ERI1: variants seen among roughly 807,000 people sequenced by gnomAD.
ERI1 encodes the protein 3'-5' exoribonuclease 1.
Under a neutral mutation model 39.7 loss-of-function variants are expected in ERI1, and 39 were observed. The observed-to-expected ratio is 0.98, with a 90% confidence interval of 0.76 to 1.28. The LOEUF is 1.28. Ranked by LOEUF, ERI1 falls within the 50% of genes most tolerant of loss-of-function variation. ERI1 has a pLI of 0.00. For synonymous variants in ERI1, 204 were observed against 149.6 expected, an observed-to-expected ratio of 1.36 and a Z score of -2.65; for missense variants, 581 against 416.9, an observed-to-expected ratio of 1.39 and a Z score of -3.43.
chr8:9,011,562 A>G lies in ERI1; in HGVS notation c.308A>G (p.Lys103Arg), dbSNP rs202123411. ...LETRGVKDVL[K>R]KRLKNYYKKQ... ...CTTAGAGGAGTAAAGGATGTTCTAA[A>G]GAAGAGACTGAAAAACTATTATAAG... The change falls in exon 3 of 7, where the codon AAG becomes AGG. Residue 103 changes from lysine to arginine, a missense_variant. Transcript: ENST00000250263. 1 of 1,610,398 alleles carries G rather than the reference A, an allele frequency of 6.2e-7. No homozygotes were observed. Among genetic ancestry groups the G allele is most frequent in the East Asian group, 2.2e-5 (1 of 44,830 alleles).
chr8:9,036,300 A>T (rs541281653), downstream of ERI1, among the ~76,000 whole-genome samples: 130 of 152,218 alleles, frequency 8.5e-4, no homozygotes, highest in Non-Finnish European at 1.4e-3. Flanking sequence ...CAGTTGATGG[A>T]GCAAACTTCA....
intron 3 of ERI1, among the ~76,000 whole-genome samples, chr8:9,016,098 A>T (rs1817248669): frequency 6.6e-6 from 1 of 152,190 alleles, no homozygotes; most frequent in African/African-American, 2.4e-5. Flanking sequence ...GAAATCTTTC[A>T]CACACTCACT....
chr8:9,023,753 A>T (rs1380038723), intron 6 of ERI1, among the ~76,000 whole-genome samples: 2 of 141,976 alleles, frequency 1.4e-5, no homozygotes, highest in African/African-American at 5.2e-5. Flanking sequence ...GGTATATTAT[A>T]TGGTATGTCT....
In ERI1 at chr8:9,051,495, A is replaced by G. The variant is rs565253645; in HGVS notation, n.299+31031A>G. ...AACATGGTGAAAGCACATCTCTACT[A>G]AAAATACAAAAATAAGCAGGGCATG... On this transcript the variant is annotated intron_variant and non_coding_transcript_variant, in intron 3 of 3. Coordinates refer to the ERI1 transcript ENST00000518663. Among the ~76,000 whole-genome samples, 136 of 152,222 alleles carry G rather than the reference A, an allele frequency of 8.9e-4. 1 individual carries two copies. Among genetic ancestry groups the G allele is most frequent in the South Asian group, 5.6e-3 (27 of 4,814 alleles).
intron 3 of ERI1, among the ~76,000 whole-genome samples, chr8:9,079,647 T>C (rs907497387): frequency 6.6e-6 from 1 of 152,194 alleles, no homozygotes; most frequent in African/African-American, 2.4e-5. Flanking sequence ...TAGCCTTGGA[T>C]ATGAATTCCA....
intron 3 of ERI1, among the ~76,000 whole-genome samples, chr8:9,084,396 C>G (rs1428760886): frequency 6.6e-6 from 1 of 152,296 alleles, no homozygotes; most frequent in Admixed American, 6.5e-5. Flanking sequence ...CTTTTCTTTG[C>G]CCGTAGTGGA....
At chr8:9,081,141 C>A (rs1206948963) in intron 3 of ERI1, among the ~76,000 whole-genome samples, 1 of 152,190 alleles carries the variant, frequency 6.6e-6, no homozygotes, top group Middle Eastern at 3.2e-3. Flanking sequence ...ACCATCAGAT[C>A]TCTTGAGAAC....
At chr8:9,074,555 C>A (rs1015688290) in intron 3 of ERI1, among the ~76,000 whole-genome samples, 2 of 152,148 alleles carry the variant, frequency 1.3e-5, no homozygotes, top group African/African-American at 4.8e-5. Flanking sequence ...AATTCTCTGG[C>A]CTCAGTCTCC....
chr8:9,008,602 C>T (rs1290087612), intron 2 of ERI1, among the ~76,000 whole-genome samples: 1 of 152,108 alleles, frequency 6.6e-6, no homozygotes, highest in African/African-American at 2.4e-5. Context: ...AAATAATCTA[C>T]AATGATCGTT....
At chr8:9,025,120 C>A (rs982503126) in intron 6 of ERI1, among the ~76,000 whole-genome samples, 2 of 152,140 alleles carry the variant, frequency 1.3e-5, no homozygotes, top group Non-Finnish European at 2.9e-5. Flanking sequence ...AAGTCAGATT[C>A]TCAGGCTGAG....
At chr8:9,042,849 C>T (rs1798067292) in intron 3 of ERI1, among the ~76,000 whole-genome samples, 1 of 152,180 alleles carries the variant, frequency 6.6e-6, no homozygotes, top group South Asian at 2.1e-4. Flanking sequence ...TGAAACATTT[C>T]TGGTCCCTAG....
At chr8:9,037,480 A>G (rs956335742), downstream of ERI1, among the ~76,000 whole-genome samples, 3 of 150,128 alleles carry the variant, frequency 2.0e-5, no homozygotes, top group Admixed American at 6.6e-5. Context: ...GCAGAGATTC[A>G]TATGTACTGT....
At chr8:9,005,016 A>C (rs1021843278) in intron 1 of ERI1, among the ~76,000 whole-genome samples, 15 of 152,184 alleles carry the variant, frequency 9.9e-5, no homozygotes, top group Non-Finnish European at 1.6e-4. Context: ...AATCTGGGCC[A>C]AAGTTTTTTG....
chr8:9,057,769 G>C (rs1798556986), intron 3 of ERI1, among the ~76,000 whole-genome samples: 1 of 152,170 alleles, frequency 6.6e-6, no homozygotes, highest in African/African-American at 2.4e-5. Context: ...GAAAACTGGA[G>C]GGTGAAACCT....
chr8:9,070,363 A>G (rs895078067), intron 3 of ERI1, among the ~76,000 whole-genome samples: 6 of 152,060 alleles, frequency 3.9e-5, no homozygotes, highest in African/African-American at 1.4e-4. Flanking sequence ...TGGCTCCCAC[A>G]TATAATCCTA....
At chr8:9,005,840 T>C (rs1815958816) in intron 1 of ERI1, among the ~76,000 whole-genome samples, 1 of 152,206 alleles carries the variant, frequency 6.6e-6, no homozygotes, top group Admixed American at 6.5e-5. Flanking sequence ...TAAACCTCTG[T>C]TTGGTATAGA....
intron 3 of ERI1, among the ~76,000 whole-genome samples, chr8:9,099,462 G>T (rs1248634795): frequency 6.6e-6 from 1 of 151,946 alleles, no homozygotes; most frequent in Non-Finnish European, 1.5e-5. Context: ...AGGTGTGGTG[G>T]TGCATGCCTG....
rs1049754372 is a variant in ERI1 at position 9,031,453 on chromosome 8, A to G, written c.*1419A>G. The G allele has an allele frequency of 6.6e-6, 1 of 152,226 alleles. No homozygotes were observed. The highest frequency in any genetic ancestry group is 6.5e-5 in the Admixed American group (1 of 15,278). The allele number at this position is 152,226 out of a possible 1,614,324, so 9.4% of individuals were successfully genotyped here. ...TCCTAGATGAACTGTTACAGATTAT[A>G]GTAAAATAAGGAAATCTAAGTGCTT... On this transcript the variant is annotated 3_prime_UTR_variant, in exon 7 of 7. Coordinates refer to ENST00000250263, the MANE Select transcript of ERI1 (RefSeq NM_153332.4).
At chr8:9,041,054 C>T (rs1310265959) in intron 3 of ERI1, among the ~76,000 whole-genome samples, 3 of 152,194 alleles carry the variant, frequency 2.0e-5, no homozygotes, top group Non-Finnish European at 2.9e-5. Flanking sequence ...GCACTTGCTC[C>T]GCTGAGTGTT....
Sources: allele counts gnomAD v4.1 joint callset (sites outside exome capture counted in the v4.1 genomes callset), GRCh38; gene constraint gnomAD v4.1.1; transcripts MANE v1.5; gene names NCBI Gene and HGNC (gene_info 2026-07-23, HGNC 2026-07-21).